CYYR1: variants seen among roughly 807,000 people sequenced by gnomAD.
CYYR1 encodes cysteine and tyrosine-rich protein 1.
CYYR1 carries 14 observed loss-of-function variants against 15.2 expected under a neutral mutation model. The ratio of observed to expected loss-of-function variants is 0.92; its 90% CI spans 0.61 to 1.44. The LOEUF (loss-of-function observed/expected upper bound fraction) is 1.44. CYYR1 is among the 40% of genes most tolerant of loss of function. CYYR1 has a pLI of 0.00. For missense variants in CYYR1, 228 were observed against 209.5 expected, an observed-to-expected ratio of 1.09 and a Z score of -0.54; for synonymous variants, 80 against 77.4, an observed-to-expected ratio of 1.03 and a Z score of -0.18.
intron 2 of CYYR1, among the ~76,000 whole-genome samples, chr21:26,487,979 T>C (rs1473271229): frequency 3.3e-5 from 5 of 151,876 alleles, no homozygotes. Context: ...TTTGCTTTTT[T>C]TTTTTCTTTC....
At chr21:26,543,597 G>A (rs953946542) in intron 2 of CYYR1, among the ~76,000 whole-genome samples, 5 of 152,102 alleles carry the variant, frequency 3.3e-5, no homozygotes, top group Admixed American at 2.6e-4. Context: ...TGCACCATTG[G>A]CTGAAGTTAG....
chr21:26,475,537 C>G (rs2065091330), intron 3 of CYYR1, among the ~76,000 whole-genome samples: 1 of 152,090 alleles, frequency 6.6e-6, no homozygotes, highest in Non-Finnish European at 1.5e-5. Flanking sequence ...CAGTTTCCCC[C>G]TTTATGTTTA....
At chr21:26,511,466 C>A (rs1375965086) in intron 2 of CYYR1, among the ~76,000 whole-genome samples, 1 of 152,150 alleles carries the variant, frequency 6.6e-6, no homozygotes, top group Middle Eastern at 3.2e-3. Flanking sequence ...AGATCAGACA[C>A]AAATAGATGC....
chr21:26,562,890 A>G (rs1035473833), intron 2 of CYYR1, among the ~76,000 whole-genome samples: 3 of 151,902 alleles, frequency 2.0e-5, no homozygotes, highest in African/African-American at 7.3e-5. Context: ...TTGAATTAGA[A>G]TTATTTGTCT....
At chr21:26,484,839 G>A (rs1229291917) in intron 2 of CYYR1, among the ~76,000 whole-genome samples, 1 of 152,044 alleles carries the variant, frequency 6.6e-6, no homozygotes, top group Non-Finnish European at 1.5e-5. Context: ...AAAAGTGCCT[G>A]CTCTTGAGGT....
At chr21:26,491,515 A>T (rs549204979) in intron 2 of CYYR1, among the ~76,000 whole-genome samples, 15 of 152,202 alleles carry the variant, frequency 9.9e-5, no homozygotes, top group Non-Finnish European at 1.9e-4. Context: ...TGACTCGAAG[A>T]TGGAGAGTTT....
chr21:26,564,836 G>C, intron 2 of CYYR1: 2 of 1,209,866 alleles, frequency 1.7e-6, no homozygotes, highest in Non-Finnish European at 2.1e-6. Context: ...CTGGTATGTG[G>C]AGACAGTTTG....
intron 2 of CYYR1, among the ~76,000 whole-genome samples, chr21:26,520,581 T>C (rs1358178199): frequency 1.3e-5 from 2 of 152,204 alleles, no homozygotes; most frequent in African/African-American, 4.8e-5. Flanking sequence ...TTATGTTCCT[T>C]TGGGTATATA....
intron 2 of CYYR1, among the ~76,000 whole-genome samples, chr21:26,521,289 C>T (rs1426520788): frequency 6.6e-6 from 1 of 152,200 alleles, no homozygotes; most frequent in Non-Finnish European, 1.5e-5. Flanking sequence ...GAGATTAAAT[C>T]AGCATCCTTG....
intron 2 of CYYR1, among the ~76,000 whole-genome samples, chr21:26,549,709 A>G (rs1354638518): frequency 6.6e-6 from 1 of 152,180 alleles, no homozygotes; most frequent in Non-Finnish European, 1.5e-5. Flanking sequence ...GTGTTTATAC[A>G]TGTACGAAAT....
At chr21:26,520,828 C>G (rs2065794939) in intron 2 of CYYR1, among the ~76,000 whole-genome samples, 1 of 152,138 alleles carries the variant, frequency 6.6e-6, no homozygotes, top group Non-Finnish European at 1.5e-5. Flanking sequence ...CTCTGATGAT[C>G]AGTGATGTTG....
chr21:26,522,607 A>G (rs749834591), intron 2 of CYYR1, among the ~76,000 whole-genome samples: 1 of 152,204 alleles, frequency 6.6e-6, no homozygotes, highest in Non-Finnish European at 1.5e-5. Flanking sequence ...GATAAACCTT[A>G]ATTTATTTCA....
chr21:26,490,147 C>T (rs902944822), intron 2 of CYYR1, among the ~76,000 whole-genome samples: 3 of 151,734 alleles, frequency 2.0e-5, no homozygotes, highest in Non-Finnish European at 2.9e-5. Context: ...ACGAAAAATA[C>T]AAAAATTAGC....
Position 26,566,270 on chromosome 21 carries a change from G to A in CYYR1, c.172C>T (p.Leu58Phe), listed in dbSNP as rs770991970. Reference protein sequence around the residue: ...CSYYAYIGNILSGTAIAGIVF... With the variant: ...CSYYAYIGNIFSGTAIAGIVF... ...CCAAATCTGACGAATACTCACGAGA[G>A]GATATTCCCAATATAAGCGTAGTAG... Residue 58 changes from leucine to phenylalanine, a missense_variant, in exon 2 of 4, where the codon CTC (leucine) becomes TTC (phenylalanine). Physicochemically the swap from Leu to Phe is conservative, Grantham distance 22 (BLOSUM62 0). Coordinates refer to ENST00000652641, the MANE Select transcript of CYYR1 (RefSeq NM_001320768.2). 1.9e-6 allele frequency: 3 copies of A among 1,611,124 alleles called. No homozygotes were observed. Among genetic ancestry groups the A allele is most frequent in the East Asian group, 2.2e-5 (1 of 44,820 alleles).
chr21:26,554,037 G>C (rs940624632), intron 2 of CYYR1, among the ~76,000 whole-genome samples: 2 of 152,256 alleles, frequency 1.3e-5, no homozygotes, highest in East Asian at 3.9e-4. Flanking sequence ...CAATATCATC[G>C]GAGGCAAGTT....
intron 2 of CYYR1, among the ~76,000 whole-genome samples, chr21:26,534,213 T>C (rs556246423): frequency 6.6e-6 from 1 of 152,366 alleles, no homozygotes; most frequent in Non-Finnish European, 1.5e-5. Flanking sequence ...AATGATGTCT[T>C]ATTTTGTTAT....
Position 26,542,277 on chromosome 21 carries a change from A to ACG in CYYR1, c.176+23988_176+23989insCG, listed in dbSNP as rs1555909974. Among the ~76,000 whole-genome samples, 9 of 128,356 alleles carry ACG rather than the reference A, an allele frequency of 7.0e-5. 1 individual carries two copies. The South Asian group carries it at 2.5e-3, about 36-fold the overall frequency. The allele number at this position is 128,356 out of a possible 152,430, so 84.2% of individuals were successfully genotyped here. On this transcript the variant is annotated intron_variant, in intron 2 of 3. Coordinates refer to ENST00000652641, the MANE Select transcript of CYYR1 (RefSeq NM_001320768.2). ...AGAGAGAAAGAGAGAGAGAGAGAAT[A>ACG]TGTGTGTGTGTGCGTGTGTGTGTGT...
rs1335023256 is a variant in CYYR1, at chr21:26,570,005, T to C, written c.73+2863A>G. 2.0e-5 allele frequency among the ~76,000 whole-genome samples: 3 copies of C among 152,186 alleles called. No individual in the cohort carries two copies. The South Asian group carries it at 6.2e-4, about 31-fold the overall frequency. On this transcript the variant is annotated intron_variant, in intron 1 of 3. Coordinates refer to ENST00000652641, the MANE Select transcript of CYYR1 (RefSeq NM_001320768.2). ...ACCCAAAAGGGGAGATTTAACAGAATGGCAAATACATTTACAATCACAACC... is the reference window on the plus strand; with the variant it reads ...ACCCAAAAGGGGAGATTTAACAGAACGGCAAATACATTTACAATCACAACC...
intron 2 of CYYR1, among the ~76,000 whole-genome samples, chr21:26,539,194 C>T (rs1978376478): frequency 1.3e-5 from 2 of 152,134 alleles, no homozygotes; most frequent in Non-Finnish European, 2.9e-5. Context: ...TTCACAGACT[C>T]GCTGGTTAAA....
Sources: gnomAD v4.1 joint callset for allele counts (sites outside exome capture counted in the v4.1 genomes callset) on GRCh38, gnomAD v4.1.1 for gene constraint, MANE v1.5 for transcripts, NCBI Gene and HGNC (gene_info 2026-07-23, HGNC 2026-07-21) for gene names.